The following TSC22D3 variants were observed in gnomAD, a reference collection of about 807,000 sequenced individuals.
TSC22D3 encodes the protein TSC22 domain family member 3.
Under a neutral mutation model 11.1 loss-of-function variants are expected in TSC22D3, and 4 were observed. The ratio of observed to expected loss-of-function variants is 0.36; its 90% CI spans 0.18 to 0.83. TSC22D3 has a LOEUF of 0.83. TSC22D3 is among the 40% of genes least tolerant of loss of function. TSC22D3 has a pLI of 0.48. For synonymous variants in TSC22D3, 77 were observed against 70.3 expected, an observed-to-expected ratio of 1.10 and a Z score of -0.48; for missense variants, 118 against 159.4, an observed-to-expected ratio of 0.74 and a Z score of 1.40.
chrX:107,716,545 T>TGGGGGC, intron 1 of TSC22D3: 1 of 796,163 alleles, frequency 1.3e-6, no homozygotes, highest in Non-Finnish European at 1.5e-6. Context: ...CCTTCCTGCG[T>TGGGGGC]CCCCTCCCCC....
intron 1 of TSC22D3, among the ~76,000 whole-genome samples, chrX:107,728,351 T>C (rs992156622): frequency 1.6e-4 from 18 of 112,651 alleles, no homozygotes; most frequent in Non-Finnish European, 5.6e-5. Flanking sequence ...AACCCAAACA[T>C]AGTTTAATTG....
At position 107,729,029 on chromosome X, in the gene TSC22D3, G is replaced by A. The variant is rs371758471; in HGVS notation, c.321-13079C>T. Among the ~76,000 whole-genome samples the A allele has an allele frequency of 1.1e-4, 12 of 112,309 alleles. No homozygotes were observed. The East Asian group carries it at 3.1e-3, about 29-fold the overall frequency. On this transcript the variant is annotated intron_variant, in intron 1 of 2. Transcript: ENST00000372383. ...AAGAAACCAAACTGCCTCTGAGTGG[G>A]CAGCTTTAAGAGGAGTAGAGTTTAG... is the stretch of plus-strand genomic sequence containing the variant.
chrX:107,772,720 G>C (rs910357466), intron 1 of TSC22D3, among the ~76,000 whole-genome samples: 2 of 110,684 alleles, frequency 1.8e-5, no homozygotes, highest in African/African-American at 6.6e-5. Context: ...GCATGGTGGT[G>C]TGTGCCTGTA....
intron 1 of TSC22D3, among the ~76,000 whole-genome samples, chrX:107,761,255 G>A (rs1929427075): frequency 8.9e-6 from 1 of 112,201 alleles, no homozygotes; most frequent in African/African-American, 3.2e-5. Context: ...CCAGGGCCTT[G>A]TGAGGGCAGA....
In TSC22D3 at chrX:107,775,658, T is replaced by G; in HGVS notation, c.-239A>C. 2 of 269,370 alleles carry G rather than the reference T, an allele frequency of 7.4e-6. No homozygotes were observed. The highest frequency in any genetic ancestry group is 1.3e-5 in the Non-Finnish European group (2 of 152,917). 22.2% of individuals were successfully genotyped at this position (269,370 alleles called of 1,213,427 possible). Reference sequence around the variant, plus strand: ...CTCCGAGCGGATCCTTCGGGCTCACTTCCTCCTCTTCCTCCTTCTCCTCCC... The same window carrying G: ...CTCCGAGCGGATCCTTCGGGCTCACGTCCTCCTCTTCCTCCTTCTCCTCCC... On this transcript the variant is annotated 5_prime_UTR_variant, in exon 1 of 3. Coordinates refer to ENST00000372383, the MANE Select transcript of TSC22D3 (RefSeq NM_198057.3).
chrX:107,752,124 G>C (rs752369049), intron 1 of TSC22D3, among the ~76,000 whole-genome samples: 4 of 112,039 alleles, frequency 3.6e-5, no homozygotes, highest in African/African-American at 6.5e-5. Context: ...AGCGGCGGGG[G>C]GTAGCATGAA....
intron 1 of TSC22D3, among the ~76,000 whole-genome samples, chrX:107,758,126 C>T (rs763524821): frequency 5.8e-4 from 64 of 110,141 alleles, no homozygotes; most frequent in Non-Finnish European, 1.1e-3. Flanking sequence ...GGAGGGCTAG[C>T]AGGGAGGGAG....
At position 107,714,629 on chromosome X, in the gene TSC22D3, T is replaced by A. The variant is rs778218076; in HGVS notation, c.493A>T (p.Thr165Ser). Residue 165 changes from threonine to serine, a missense_variant, in exon 3 of 3, where the codon ACC becomes TCC. Transcript: ENST00000372383. The part of the protein sequence containing the change: ...QLERENTLLK[T>S]LASPEQLEKF... ...TCCAGCTGCTCTGGGCTTGCCAGGG[T>A]CTTCAACAGGGTGTTCTCACGCTCT... 3 of 1,209,408 alleles carry A rather than the reference T, an allele frequency of 2.5e-6. No individual in the cohort carries two copies. In the East Asian group the frequency reaches 8.9e-5, roughly 36 times the overall value.
intron 1 of TSC22D3, among the ~76,000 whole-genome samples, chrX:107,754,511 A>T (rs1295318202): frequency 8.9e-6 from 1 of 112,252 alleles, no homozygotes; most frequent in Non-Finnish European, 1.9e-5. Context: ...CACAAAATGG[A>T]TAATGAATAT....
chrX:107,775,192 C>G lies in TSC22D3; in HGVS notation c.228G>C (p.Pro76=). The G allele has an allele frequency of 8.3e-7, 1 of 1,211,945 alleles. No individual in the cohort carries two copies. Among genetic ancestry groups the G allele is most frequent in the East Asian group, 3.0e-5 (1 of 33,846 alleles). ...NSIMRQDSLE[P]VLRDPCYLIN... ...TCAGGTAGCAGGGGTCCCGCAGCACCGGCTCTAGCGAATCCTGCCGCATTA... is the reference window on the plus strand; with the variant it reads ...TCAGGTAGCAGGGGTCCCGCAGCACGGGCTCTAGCGAATCCTGCCGCATTA... The change falls in exon 1 of 3, where the codon CCG becomes CCC. Residue 76 remains proline, a synonymous_variant. Transcript: ENST00000372383.
chrX:107,716,600 G>T, intron 1 of TSC22D3: 2 of 938,666 alleles, frequency 2.1e-6, no homozygotes, highest in African/African-American at 4.3e-5. Flanking sequence ...AGGGACCGGC[G>T]GCACACAGCT....
intron 1 of TSC22D3, among the ~76,000 whole-genome samples, chrX:107,733,405 G>A (rs1407644391): frequency 8.9e-6 from 1 of 111,784 alleles, no homozygotes; most frequent in Non-Finnish European, 1.9e-5. Flanking sequence ...ACTTGGTAGA[G>A]CTCTCTTCAC....
chrX:107,713,778 A>G lies in TSC22D3; in HGVS notation c.*741T>C, dbSNP rs1043677159. The G allele has an allele frequency of 8.9e-6, 1 of 112,789 alleles. No individual in the cohort carries two copies. The highest frequency in any genetic ancestry group is 9.3e-5 in the Admixed American group (1 of 10,696). 9.3% of individuals were successfully genotyped at this position (112,789 alleles called of 1,213,427 possible). The stretch of plus-strand genomic sequence containing the variant: ...GCCATAAGAGGTAAGGGACCAGTCA[A>G]TACTCCCAAGGCTGGTTAGGCCCTT... On this transcript the variant is annotated 3_prime_UTR_variant, in exon 3 of 3. Transcript: ENST00000372383.
chrX:107,739,462 T>A (rs1928295161), intron 1 of TSC22D3, among the ~76,000 whole-genome samples: 1 of 112,486 alleles, frequency 8.9e-6, no homozygotes, highest in Admixed American at 9.3e-5. Context: ...TCCTTTCCAG[T>A]CCTGGCCTGG....
At chrX:107,758,352 C>T (rs952770940) in intron 1 of TSC22D3, among the ~76,000 whole-genome samples, 2 of 111,669 alleles carry the variant, frequency 1.8e-5, no homozygotes, top group African/African-American at 3.3e-5. Flanking sequence ...GTTAATGGAA[C>T]GTCACCTGTT....
chrX:107,725,699 T>C (rs1927585415), intron 1 of TSC22D3, among the ~76,000 whole-genome samples: 1 of 111,930 alleles, frequency 8.9e-6, no homozygotes, highest in African/African-American at 3.3e-5. Flanking sequence ...GTGATTTATA[T>C]TCAAATCTTT....
intron 1 of TSC22D3, among the ~76,000 whole-genome samples, chrX:107,758,073 C>G (rs995489823): frequency 1.2e-4 from 13 of 109,747 alleles, no homozygotes; most frequent in African/African-American, 3.7e-4. Context: ...CCAGAAGTCA[C>G]CCAAGAAATT....
At chrX:107,762,535 C>A (rs1190162499) in intron 1 of TSC22D3, among the ~76,000 whole-genome samples, 1 of 111,892 alleles carries the variant, frequency 8.9e-6, no homozygotes, top group Non-Finnish European at 1.9e-5. Flanking sequence ...CCCCACCTGT[C>A]TGTCCACTTC....
chrX:107,738,561 C>T (rs1988474703), intron 1 of TSC22D3, among the ~76,000 whole-genome samples: 1 of 113,110 alleles, frequency 8.8e-6, no homozygotes, highest in Non-Finnish European at 1.9e-5. Flanking sequence ...CCTGGAGGCA[C>T]ATGCCCCACA....
Sources: gnomAD v4.1 joint callset for allele counts (sites outside exome capture counted in the v4.1 genomes callset) on GRCh38, gnomAD v4.1.1 for gene constraint, MANE v1.5 for transcripts, NCBI Gene and HGNC (gene_info 2026-07-23, HGNC 2026-07-21) for gene names.